The following CYP4Z1 variants were observed in gnomAD, a reference collection of about 807,000 sequenced individuals.
CYP4Z1 encodes cytochrome P450 family 4 subfamily Z member 1.
Under a neutral mutation model 54.2 loss-of-function variants are expected in CYP4Z1, and 41 were observed. The ratio of observed to expected loss-of-function variants is 0.76; its 90% CI spans 0.59 to 0.98. The LOEUF (loss-of-function observed/expected upper bound fraction) is 0.98, where lower values mean the gene tolerates loss of function less well. CYP4Z1 is among the 50% of genes least tolerant of loss of function. The pLI is 0.00. For synonymous variants in CYP4Z1, 163 were observed against 206.2 expected, an observed-to-expected ratio of 0.79 and a Z score of 1.79; for missense variants, 513 against 599.0, an observed-to-expected ratio of 0.86 and a Z score of 1.50.
At position 47,082,810 on chromosome 1, in the gene CYP4Z1, G is replaced by A. The variant is rs1319681217; in HGVS notation, c.492+349G>A. Among the ~76,000 whole-genome samples, 5 of 149,638 alleles carry A rather than the reference G, an allele frequency of 3.3e-5. No individual in the cohort carries two copies. The Admixed American group carries it at 3.4e-4, about 10-fold the overall frequency. On this transcript the variant is annotated intron_variant, in intron 4 of 11. Transcript: ENST00000334194. ...AAATGTATCATGTTCAGGAGGTCGAGTCAGGAAACACTTCCTAAGAAAGGT... is the reference window on the plus strand; with the variant it reads ...AAATGTATCATGTTCAGGAGGTCGAATCAGGAAACACTTCCTAAGAAAGGT...
Position 47,076,584 on chromosome 1 carries a change from G to A in CYP4Z1, c.320-4039G>A, listed in dbSNP as rs537939829. Among the ~76,000 whole-genome samples the A allele has an allele frequency of 2.0e-4, 31 of 152,040 alleles. 1 individual carries two copies. The South Asian group carries it at 6.5e-3, about 32-fold the overall frequency. ...TTGTTGGCCGGGCATGGTGGCTCAC[G>A]CCTGTAATCCCAGCACTTTGGGAGG... On this transcript the variant is annotated intron_variant, in intron 2 of 11. Coordinates refer to ENST00000334194, the MANE Select transcript of CYP4Z1 (RefSeq NM_178134.3).
At chr1:47,104,380 G>C (rs1453511352) in intron 8 of CYP4Z1, among the ~76,000 whole-genome samples, 1 of 152,200 alleles carries the variant, frequency 6.6e-6, no homozygotes, top group Non-Finnish European at 1.5e-5. Context: ...GCACCAAGGT[G>C]ATGTATACTA....
At chr1:47,101,343 T>C (rs1308188430) in intron 8 of CYP4Z1, among the ~76,000 whole-genome samples, 1 of 152,180 alleles carries the variant, frequency 6.6e-6, no homozygotes, top group Non-Finnish European at 1.5e-5. Flanking sequence ...CTCATTAGAT[T>C]GCTTATTTGA....
intron 4 of CYP4Z1, among the ~76,000 whole-genome samples, chr1:47,084,287 G>A (rs1402352707): frequency 1.3e-5 from 2 of 151,692 alleles, no homozygotes; most frequent in African/African-American, 4.8e-5. Flanking sequence ...GCTCTCTACA[G>A]ATGTTTTTGA....
At position 47,099,029 on chromosome 1, in the gene CYP4Z1, C is replaced by T. The variant is rs1210009875; in HGVS notation, c.877-65C>T. 4 of 1,532,804 alleles carry T rather than the reference C, an allele frequency of 2.6e-6. No individual in the cohort carries two copies. The African/African-American group carries it at 4.1e-5, about 16-fold the overall frequency. 95.0% of individuals were successfully genotyped at this position (1,532,804 alleles called of 1,614,324 possible). On this transcript the variant is annotated intron_variant, in intron 7 of 11. Coordinates refer to ENST00000334194, the MANE Select transcript of CYP4Z1 (RefSeq NM_178134.3). ...CATTAATCTTTTTGTATTATCATTG[C>T]TACAATTGAAAAAGATAACAATCCA...
the CYP4Z1 span, among the ~76,000 whole-genome samples, chr1:47,061,143 C>T: frequency 3.3e-5 from 5 of 151,972 alleles, no homozygotes; most frequent in Non-Finnish European, 4.4e-5. Context: ...GAAAGAATTA[C>T]GGAAGGAAGA....
At chr1:47,106,100 T>C (rs748726170) in intron 8 of CYP4Z1, 28 bp from the exon 9 acceptor site, 1 of 1,600,008 alleles carries the variant, frequency 6.2e-7, no homozygotes, top group South Asian at 1.1e-5. Context: ...TACTCCTCCT[T>C]TTCCTTTCCT....
the CYP4Z1 span, among the ~76,000 whole-genome samples, chr1:47,058,767 A>G: frequency 4.0e-4 from 60 of 151,706 alleles, no homozygotes; most frequent in Non-Finnish European, 1.3e-4. Flanking sequence ...TCTTGTCCCT[A>G]CTCTACTCAG....
intron 6 of CYP4Z1, among the ~76,000 whole-genome samples, chr1:47,087,128 G>A (rs1644601840): frequency 6.6e-6 from 1 of 152,172 alleles, no homozygotes; most frequent in Non-Finnish European, 1.5e-5. Flanking sequence ...CAGGTAGTGT[G>A]ATGCTTCCAG....
At chr1:47,096,926 G>A (rs912991897) in intron 7 of CYP4Z1, 12 of 152,226 alleles carry the variant, frequency 7.9e-5, no homozygotes, top group African/African-American at 2.9e-4. Context: ...CACTGTGCCT[G>A]GCCTCATTAG....
rs569529203 is a variant in CYP4Z1, at chr1:47,095,134, T to C, written c.876+465T>C. Among the ~76,000 whole-genome samples the C allele has an allele frequency of 2.6e-5, 4 of 152,320 alleles. No individual in the cohort carries two copies. The South Asian group carries it at 8.3e-4, about 32-fold the overall frequency. On this transcript the variant is annotated intron_variant, in intron 7 of 11. Coordinates refer to ENST00000334194, the MANE Select transcript of CYP4Z1 (RefSeq NM_178134.3). ...TTTTAATTATCTGGGCACTTGTCTG[T>C]CTTTTTCCAAGCCCACAAGCTGCTG...
the CYP4Z1 span, among the ~76,000 whole-genome samples, chr1:47,057,356 A>ATATATG: frequency 9.4e-6 from 1 of 106,022 alleles, no homozygotes; most frequent in Non-Finnish European, 1.9e-5. Flanking sequence ...ATATATATAT[A>ATATATG]TATATATATA....
At position 47,115,396 on chromosome 1, in the gene CYP4Z1, T is replaced by C. The variant is rs187817494; in HGVS notation, c.1202-133T>C. On this transcript the variant is annotated intron_variant, in intron 9 of 11. Coordinates refer to ENST00000334194, the MANE Select transcript of CYP4Z1 (RefSeq NM_178134.3). Reference sequence around the variant, plus strand: ...CACCAACATGGCACATGTATACATATGTAACAAACCTTCATGTTGTGCATA... The same window carrying C: ...CACCAACATGGCACATGTATACATACGTAACAAACCTTCATGTTGTGCATA... The C allele has an allele frequency of 6.0e-5, 44 of 737,242 alleles. No individual in the cohort carries two copies. In the Admixed American group the frequency reaches 6.6e-4, roughly 11 times the overall value. 45.7% of individuals were successfully genotyped at this position (737,242 alleles called of 1,614,324 possible).
intron 2 of CYP4Z1, among the ~76,000 whole-genome samples, chr1:47,073,890 TG>T (rs1459969053): frequency 6.6e-6 from 1 of 152,248 alleles, no homozygotes; most frequent in East Asian, 1.9e-4. Context: ...TCTATTATTT[TG>T]TGGTTTGTCT....
At chr1:47,068,861 G>T in intron 2 of CYP4Z1, 98 bp downstream of exon 2, 1 of 1,460,064 alleles carries the variant, frequency 6.8e-7, no homozygotes, top group South Asian at 1.3e-5. Flanking sequence ...ATTTTTAAGG[G>T]AAATCCATCA....
chr1:47,066,401 A>C (rs1557618997), upstream of CYP4Z1, among the ~76,000 whole-genome samples: 1 of 152,250 alleles, frequency 6.6e-6, no homozygotes, highest in Non-Finnish European at 1.5e-5. Context: ...CCACATAAAC[A>C]GAATTAAAAA....
chr1:47,057,650 T>G, the CYP4Z1 span, among the ~76,000 whole-genome samples: 1 of 151,660 alleles, frequency 6.6e-6, no homozygotes, highest in Non-Finnish European at 1.5e-5. Context: ...CATTTGATTT[T>G]TTCTTGTAGT....
chr1:47,078,271 A>G (rs1426848119), intron 2 of CYP4Z1, among the ~76,000 whole-genome samples: 2 of 152,104 alleles, frequency 1.3e-5, no homozygotes, highest in Non-Finnish European at 2.9e-5. Context: ...CAATTGACCT[A>G]TCTCCAACTT....
chr1:47,094,296 A>T (rs989194020), intron 6 of CYP4Z1, among the ~76,000 whole-genome samples: 1 of 152,230 alleles, frequency 6.6e-6, no homozygotes, highest in Non-Finnish European at 1.5e-5. Context: ...CTCTAAGCAT[A>T]TATGTCAAAC....
Sources: gnomAD v4.1 joint callset for allele counts (sites outside exome capture counted in the v4.1 genomes callset) on GRCh38, gnomAD v4.1.1 for gene constraint, MANE v1.5 for transcripts, NCBI Gene and HGNC (gene_info 2026-07-23, HGNC 2026-07-21) for gene names.